PCM1: variants seen among roughly 807,000 people sequenced by gnomAD.
PCM1 encodes pericentriolar material 1 protein.
A neutral mutation model predicts 241.9 loss-of-function variants in PCM1; 157 were observed. That is an observed-to-expected ratio of 0.65 (90% CI 0.57 to 0.74). PCM1 has a LOEUF of 0.74. Among genes scored for constraint, PCM1 ranks in the 30% least tolerant of loss-of-function variants. The pLI is 0.00. For missense variants in PCM1, 3,478 were observed against 2,360.1 expected, an observed-to-expected ratio of 1.47 and a Z score of -9.81; for synonymous variants, 1,085 against 784.9, an observed-to-expected ratio of 1.38 and a Z score of -6.39.
chr8:18,020,627 C>T (rs975865565), intron 36 of PCM1, among the ~76,000 whole-genome samples: 1 of 152,058 alleles, frequency 6.6e-6, no homozygotes, highest in African/African-American at 2.4e-5. Context: ...TTGATGGATC[C>T]TATGAAAAAA....
chr8:18,016,110 G>A (rs568682786), intron 36 of PCM1, among the ~76,000 whole-genome samples: 1 of 152,062 alleles, frequency 6.6e-6, no homozygotes, highest in East Asian at 1.9e-4. Flanking sequence ...GAATGATCTC[G>A]ATCTCCTGAC....
intron 29 of PCM1, among the ~76,000 whole-genome samples, chr8:17,997,391 T>C (rs1227398919): frequency 6.6e-6 from 1 of 152,222 alleles, no homozygotes; most frequent in Admixed American, 6.5e-5. Context: ...TAAACTATCC[T>C]GGTTTTCTGT....
intron 29 of PCM1, among the ~76,000 whole-genome samples, chr8:17,995,423 G>C (rs962867157): frequency 6.6e-6 from 1 of 151,182 alleles, no homozygotes; most frequent in South Asian, 2.1e-4. Flanking sequence ...GTCGGTCTGT[G>C]TTTCTGTTGT....
At chr8:17,963,009 T>G (rs2073203287) in intron 16 of PCM1, 92 bp from the exon 17 acceptor site, 1 of 816,158 alleles carries the variant, frequency 1.2e-6, no homozygotes, top group South Asian at 1.8e-5. Flanking sequence ...ATAGAAACCT[T>G]TGTTGATACT....
At chr8:18,018,880 ACACAC>A (rs2093505614) in intron 36 of PCM1, among the ~76,000 whole-genome samples, 1 of 26,698 alleles carries the variant, frequency 3.7e-5, no homozygotes, top group African/African-American at 1.3e-4. Context: ...ATATATATAT[ACACAC>A]ACATATACAT....
At position 17,937,140 on chromosome 8, in the gene PCM1, G is replaced by T. The variant is rs939925954; in HGVS notation, c.103G>T (p.Gly35Cys). 1.3e-6 allele frequency: 2 copies of T among 1,559,848 alleles called. No homozygotes were observed. The highest frequency in any genetic ancestry group is 1.7e-6 in the Non-Finnish European group (2 of 1,150,676). ...TGCTTTTACTTTTTTAAAGGATTGGGGTGCCCAACAGAAGAAAGCAAATAG... is the reference window on the plus strand; with the variant it reads ...TGCTTTTACTTTTTTAAAGGATTGGTGTGCCCAACAGAAGAAAGCAAATAG... ...VDDRLNNMDW[G>C]AQQKKANRSS... Residue 35 changes from glycine to cysteine, a missense_variant, in exon 4 of 39, where the codon GGT (glycine) becomes TGT (cysteine). Coordinates refer to ENST00000325083, the MANE Select transcript of PCM1 (RefSeq NM_006197.4).
At chr8:18,013,227 C>T (rs146671857) in intron 34 of PCM1, among the ~76,000 whole-genome samples, 85 of 152,224 alleles carry the variant, frequency 5.6e-4, no homozygotes, top group African/African-American at 1.8e-3. Context: ...GAGGTCCCAC[C>T]GTTATACAGG....
chr8:17,932,922 CT>C (rs1352931601), intron 2 of PCM1, among the ~76,000 whole-genome samples: 2 of 152,098 alleles, frequency 1.3e-5, no homozygotes, highest in Non-Finnish European at 2.9e-5. Context: ...TGTGAATTAA[CT>C]TTTTTTCTGT....
chr8:17,940,729 A>C (rs980760673), intron 6 of PCM1, among the ~76,000 whole-genome samples: 1 of 152,222 alleles, frequency 6.6e-6, no homozygotes, highest in African/African-American at 2.4e-5. Flanking sequence ...TGACTTGGCA[A>C]AATGGAATTT....
chr8:18,011,919 T>G (rs2092572786), intron 34 of PCM1, 92 bp downstream of exon 34: 1 of 1,138,204 alleles, frequency 8.8e-7, no homozygotes. Context: ...AAGTAGATCC[T>G]TCTAAATATT....
At chr8:18,026,669 CAAGT>C (rs769163731) in intron 38 of PCM1, among the ~76,000 whole-genome samples, 32 of 152,200 alleles carry the variant, frequency 2.1e-4, no homozygotes, top group Non-Finnish European at 4.1e-4. Flanking sequence ...TACCCGATGA[CAAGT>C]ATGTATCTAG....
intron 29 of PCM1, among the ~76,000 whole-genome samples, chr8:17,994,265 G>C (rs1037932879): frequency 1.3e-5 from 2 of 152,044 alleles, no homozygotes; most frequent in Admixed American, 6.6e-5. Context: ...GCTCCCACAA[G>C]TAAGTGAGAA....
chr8:17,992,135 C>T (rs1403998550), intron 28 of PCM1, among the ~76,000 whole-genome samples: 2 of 152,076 alleles, frequency 1.3e-5, no homozygotes, highest in East Asian at 1.9e-4. Flanking sequence ...TTTCTTTATC[C>T]GCTCGTTGAT....
intron 36 of PCM1, among the ~76,000 whole-genome samples, chr8:18,018,927 A>ATAAC (rs2093528782): frequency 9.2e-6 from 1 of 108,774 alleles, no homozygotes; most frequent in African/African-American, 5.2e-5. Context: ...TATAACATAT[A>ATAAC]ATATATAACA....
At chr8:17,946,865 G>GTGTGTGTGTCCA in intron 6 of PCM1, among the ~76,000 whole-genome samples, 1 of 151,234 alleles carries the variant, frequency 6.6e-6, no homozygotes, top group East Asian at 1.9e-4. Flanking sequence ...GTGTGTGTGT[G>GTGTGTGTGTCCA]TGTGTGTCCA....
intron 8 of PCM1, among the ~76,000 whole-genome samples, chr8:17,951,859 T>C (rs2066144853): frequency 6.6e-6 from 1 of 152,122 alleles, no homozygotes; most frequent in Non-Finnish European, 1.5e-5. Flanking sequence ...TGACTAAGCA[T>C]AATGGGAGAT....
chr8:17,994,964 C>T (rs1219904101), intron 29 of PCM1, among the ~76,000 whole-genome samples: 3 of 151,446 alleles, frequency 2.0e-5, no homozygotes, highest in Non-Finnish European at 2.9e-5. Flanking sequence ...TATTTTCTCT[C>T]ATTCTGTGGG....
chr8:17,924,357 C>T (rs2056000895), intron 1 of PCM1, among the ~76,000 whole-genome samples: 1 of 152,162 alleles, frequency 6.6e-6, no homozygotes, highest in South Asian at 2.1e-4. Context: ...ATCGGATATA[C>T]GAGGTTGTTA....
In PCM1 at chr8:17,989,978, A is replaced by C; in HGVS notation, c.4530A>C (p.Leu1510=). The change falls in exon 27 of 39, where the codon CTA becomes CTC. Residue 1510 remains leucine (L), a splice_region_variant and synonymous_variant. Transcript: ENST00000325083. The part of the protein sequence containing the change: ...SNFEPFATDD[L]GNTVIHLDQA... ...TTGAGCCTTTTGCAACAGATGATCT[A>C]GGTAAGCAGAATTGTTTATAATCTT... is the stretch of plus-strand genomic sequence containing the variant. 1 of 1,526,684 alleles carries C rather than the reference A, an allele frequency of 6.6e-7. No individual in the cohort carries two copies. Among genetic ancestry groups the C allele is most frequent in the Non-Finnish European group, 8.8e-7 (1 of 1,136,588 alleles). 94.6% of individuals were successfully genotyped at this position (1,526,684 alleles called of 1,614,324 possible).
Sources: allele counts gnomAD v4.1 joint callset (sites outside exome capture counted in the v4.1 genomes callset), GRCh38; gene constraint gnomAD v4.1.1; transcripts MANE v1.5; gene names NCBI Gene and HGNC (gene_info 2026-07-23, HGNC 2026-07-21).